SLC30A8: variants seen among roughly 807,000 people sequenced by gnomAD.
SLC30A8 encodes the protein solute carrier family 30 member 8, also known as proton-coupled zinc antiporter SLC30A8.
SLC30A8 carries 27 observed loss-of-function variants against 36.9 expected under a neutral mutation model. That is an observed-to-expected ratio of 0.73 (90% CI 0.54 to 1.01). SLC30A8 has a LOEUF of 1.01. SLC30A8 is among the 50% of genes least tolerant of loss of function. The probability of loss-of-function intolerance (pLI) is 0.00; values close to 1 mark genes in which losing one functional copy is unlikely to be tolerated. For missense variants in SLC30A8, 439 were observed against 452.0 expected (o/e 0.97, Z 0.26); for synonymous variants, 164 against 172.4 (o/e 0.95, Z 0.38).
Position 117,140,605 on chromosome 8 carries a change from G to A in SLC30A8, c.71+5207G>A, listed in dbSNP as rs116140269. On this transcript the variant is annotated intron_variant, in intron 1 of 7. Transcript: ENST00000456015. ...TGGCAGTGAGATGACATTTAAAGCT[G>A]TAAAAGAAAAAGAAATTCCTATCAA... 5.2e-3 allele frequency among the ~76,000 whole-genome samples: 788 copies of A among 152,130 alleles called. 9 individuals carry two copies. The highest frequency in any genetic ancestry group is 0.018 in the African/African-American group (744 of 41,548).
At chr8:117,056,903 A>C (rs1473207671) in intron 2 of SLC30A8, among the ~76,000 whole-genome samples, 2 of 152,186 alleles carry the variant, frequency 1.3e-5, no homozygotes, top group African/African-American at 4.8e-5. Flanking sequence ...CAGGAAGTGG[A>C]CTAGAGTTTC....
At chr8:116,953,710 G>C (rs1814082056) in intron 1 of SLC30A8, among the ~76,000 whole-genome samples, 1 of 152,076 alleles carries the variant, frequency 6.6e-6, no homozygotes, top group Non-Finnish European at 1.5e-5. Context: ...GCTCTGCTGG[G>C]TTTTGTAGCA....
At chr8:117,146,759 GT>G in intron 1 of SLC30A8, 194 bp from the exon 2 acceptor site, 1 of 1,330,150 alleles carries the variant, frequency 7.5e-7, no homozygotes, top group South Asian at 1.7e-5. Context: ...AAAACTTTTA[GT>G]AGTTGAAGTT....
chr8:117,024,949 G>C (rs1816830447), intron 1 of SLC30A8, among the ~76,000 whole-genome samples: 1 of 152,008 alleles, frequency 6.6e-6, no homozygotes, highest in Non-Finnish European at 1.5e-5. Flanking sequence ...TATTCTTCCT[G>C]ATACTCTCTC....
At chr8:116,987,627 GAA>G (rs201546342) in intron 1 of SLC30A8, among the ~76,000 whole-genome samples, 3 of 144,900 alleles carry the variant, frequency 2.1e-5, no homozygotes, top group Admixed American at 6.9e-5. Context: ...TACCAAAAAA[GAA>G]AAAAAAAAAT....
intron 2 of SLC30A8, among the ~76,000 whole-genome samples, chr8:117,097,256 G>A (rs1433532962): frequency 3.4e-5 from 5 of 149,052 alleles, no homozygotes; most frequent in East Asian, 2.0e-4. Context: ...AAAATTAGCC[G>A]GGCATGGTGG....
chr8:117,113,793 T>A (rs1444364108), intron 2 of SLC30A8, among the ~76,000 whole-genome samples: 1 of 152,162 alleles, frequency 6.6e-6, no homozygotes. Context: ...GGGTATGGCA[T>A]GCTTGGTTCC....
At chr8:117,043,117 AT>A (rs111413878) in intron 2 of SLC30A8, among the ~76,000 whole-genome samples, 2 of 152,198 alleles carry the variant, frequency 1.3e-5, no homozygotes, top group South Asian at 2.1e-4. Context: ...AGCAGCTTAT[AT>A]TTTTTTGGTT....
chr8:116,991,959 T>C (rs906400343), intron 1 of SLC30A8, among the ~76,000 whole-genome samples: 1 of 152,208 alleles, frequency 6.6e-6, no homozygotes, highest in African/African-American at 2.4e-5. Context: ...GTGCAGGGTC[T>C]ACATCCAACA....
At chr8:117,107,293 G>A (rs1213564296) in intron 2 of SLC30A8, among the ~76,000 whole-genome samples, 1 of 152,060 alleles carries the variant, frequency 6.6e-6, no homozygotes, top group South Asian at 2.1e-4. Flanking sequence ...AGCCCATGAA[G>A]CACTCAAAGT....
chr8:117,138,466 T>C (rs564700704), intron 1 of SLC30A8, among the ~76,000 whole-genome samples: 1 of 152,156 alleles, frequency 6.6e-6, no homozygotes, highest in East Asian at 1.9e-4. Context: ...TCTGAGTGGA[T>C]GTAGCCAAAA....
intron 2 of SLC30A8, among the ~76,000 whole-genome samples, chr8:117,072,757 A>G (rs1433805518): frequency 1.3e-5 from 2 of 152,026 alleles, no homozygotes; most frequent in Non-Finnish European, 2.9e-5. Flanking sequence ...ATGAAGCCCA[A>G]CTGAGAACAT....
At chr8:117,059,568 A>G (rs535348783) in intron 2 of SLC30A8, among the ~76,000 whole-genome samples, 15 of 152,046 alleles carry the variant, frequency 9.9e-5, no homozygotes, top group African/African-American at 3.1e-4. Context: ...CTACACCCCT[A>G]CTCATGAATA....
At chr8:116,955,741 A>T (rs1406382561) in intron 1 of SLC30A8, among the ~76,000 whole-genome samples, 2 of 152,030 alleles carry the variant, frequency 1.3e-5, no homozygotes, top group Non-Finnish European at 2.9e-5. Context: ...AAAAATAAAA[A>T]AAAAGAAAAC....
At chr8:117,029,374 A>G (rs753944970) in intron 1 of SLC30A8, among the ~76,000 whole-genome samples, 11 of 152,206 alleles carry the variant, frequency 7.2e-5, no homozygotes, top group South Asian at 2.1e-4. Flanking sequence ...CTTCTAGTGC[A>G]TAGATTATTT....
intron 1 of SLC30A8, among the ~76,000 whole-genome samples, chr8:117,002,748 G>A (rs1472556401): frequency 6.6e-6 from 1 of 152,082 alleles, no homozygotes; most frequent in Non-Finnish European, 1.5e-5. Context: ...GAAACTACAG[G>A]CACTGGCCAC....
chr8:117,160,623 AAAAG>A (rs1200009070), intron 4 of SLC30A8, among the ~76,000 whole-genome samples: 6 of 152,230 alleles, frequency 3.9e-5, no homozygotes, highest in African/African-American at 1.4e-4. Flanking sequence ...TAAGATGAGT[AAAAG>A]AATGAATGAC....
At chr8:117,059,647 A>G (rs1343507786) in intron 2 of SLC30A8, among the ~76,000 whole-genome samples, 5 of 152,156 alleles carry the variant, frequency 3.3e-5, no homozygotes, top group African/African-American at 1.2e-4. Flanking sequence ...CTACTCCATC[A>G]TGTTGGTTTA....
chr8:116,992,450 G>A (rs756190753), intron 1 of SLC30A8, among the ~76,000 whole-genome samples: 15 of 152,060 alleles, frequency 9.9e-5, no homozygotes, highest in Non-Finnish European at 1.6e-4. Context: ...GCCCTAAATT[G>A]TCATGGGTTT....
Sources: gnomAD v4.1 joint callset for allele counts (sites outside exome capture counted in the v4.1 genomes callset) on GRCh38, gnomAD v4.1.1 for gene constraint, MANE v1.5 for transcripts, NCBI Gene and HGNC (gene_info 2026-07-23, HGNC 2026-07-21) for gene names.